PLXNC1: variants seen among roughly 807,000 people sequenced by gnomAD.
PLXNC1 encodes the protein plexin C1, also known as plexin-C1.
PLXNC1 carries 75 observed loss-of-function variants against 178.2 expected under a neutral mutation model. The observed-to-expected ratio is 0.42, with a 90% CI of 0.35 to 0.51. PLXNC1 has a LOEUF of 0.51. Among genes scored for constraint, PLXNC1 ranks in the 20% least tolerant of loss-of-function variants. PLXNC1 has a pLI of 0.02. For missense variants in PLXNC1, 1,503 were observed against 1,984.4 expected (o/e 0.76, Z 4.61); for synonymous variants, 790 against 779.9 (o/e 1.01, Z -0.22).
intron 12 of PLXNC1, among the ~76,000 whole-genome samples, chr12:94,244,721 TA>T (rs1311795846): frequency 3.3e-5 from 5 of 152,136 alleles, no homozygotes; most frequent in Non-Finnish European, 5.9e-5. Context: ...GCTAATGAGC[TA>T]AAAAATGGTT....
At chr12:94,253,163 A>T (rs1164599104) in intron 15 of PLXNC1, among the ~76,000 whole-genome samples, 1 of 133,864 alleles carries the variant, frequency 7.5e-6, no homozygotes, top group Non-Finnish European at 1.6e-5. Flanking sequence ...GTGAGCCGAG[A>T]TCGTGCCACT....
rs1180150457 is a variant in PLXNC1 at position 94,303,997 on chromosome 12, T to G, written c.4548T>G (p.Asn1516Lys). The stretch of plus-strand genomic sequence containing the variant: ...TTTAGAAACATGAAAATGAATTTAA[T>G]GAAGAAGTGGCCTTGACAGAAATTT... The part of the protein sequence containing the change: ...QESKKHENEF[N>K]EEVALTEIYK... The change falls in exon 30 of 31, where the codon AAT becomes AAG. Residue 1516 changes from asparagine (N) to lysine (K), a missense_variant. Transcript: ENST00000258526. 1.2e-6 allele frequency: 2 copies of G among 1,601,076 alleles called. No individual in the cohort carries two copies. Among genetic ancestry groups the G allele is most frequent in the Non-Finnish European group, 1.7e-6 (2 of 1,168,882 alleles).
chr12:94,159,079 G>T (rs967184346), intron 1 of PLXNC1, among the ~76,000 whole-genome samples: 1 of 152,216 alleles, frequency 6.6e-6, no homozygotes, highest in African/African-American at 2.4e-5. Context: ...ACTATCATTT[G>T]TTCGAATACT....
At chr12:94,224,977 C>A (rs1304624798) in intron 7 of PLXNC1, among the ~76,000 whole-genome samples, 2 of 152,266 alleles carry the variant, frequency 1.3e-5, no homozygotes, top group East Asian at 3.9e-4. Context: ...AACGAGAAGC[C>A]TTGAGTGTAG....
chr12:94,277,891 C>T (rs1482484876), intron 21 of PLXNC1: 2 of 455,228 alleles, frequency 4.4e-6, no homozygotes, highest in East Asian at 6.9e-5. Flanking sequence ...TTATTACACC[C>T]ATTTTTAAGT....
In PLXNC1 at chr12:94,304,159, G is replaced by GGGAAGCCA. The variant is rs531268381; in HGVS notation, c.4602+116_4602+123dup. 1.7e-4 allele frequency: 120 copies of GGGAAGCCA among 713,718 alleles called. No homozygotes were observed. In the South Asian group the frequency reaches 2.3e-3, roughly 14 times the overall value. The allele number at this position is 713,718 out of a possible 1,614,324, so 44.2% of individuals were successfully genotyped here. On this transcript the variant is annotated intron_variant, in intron 30 of 30. Coordinates refer to ENST00000258526, the MANE Select transcript of PLXNC1 (RefSeq NM_005761.3). ...CTCTGGCATCCCAAAAGGCCAGAAA[G>GGGAAGCCA]GGAAGCCAGGAAGCCTGTCTGAGAT...
intron 4 of PLXNC1, among the ~76,000 whole-genome samples, chr12:94,202,638 C>T (rs533480320): frequency 5.6e-4 from 85 of 152,354 alleles, no homozygotes; most frequent in African/African-American, 1.9e-3. Context: ...GGCCCAGGCA[C>T]GTTCAGGGCA....
chr12:94,243,883 C>A (rs1275560845), intron 11 of PLXNC1, 55 bp from the exon 12 acceptor site: 1 of 814,058 alleles, frequency 1.2e-6, no homozygotes, highest in African/African-American at 1.7e-5. Context: ...TTCATAAATG[C>A]AAAATGCCTG....
At position 94,279,869 on chromosome 12, in the gene PLXNC1, C is replaced by T. The variant is rs762783166; in HGVS notation, c.3775+220C>T. The T allele has an allele frequency of 3.2e-4, 220 of 684,252 alleles. 1 individual carries two copies. Among genetic ancestry groups the T allele is most frequent in the Admixed American group, 1.0e-4 (5 of 48,910 alleles). The allele number at this position is 684,252 out of a possible 1,614,324, so 42.4% of individuals were successfully genotyped here. A position where few individuals can be genotyped will look rare whatever the true frequency, so the allele number is the denominator to read the frequency against. Reference sequence around the variant, plus strand: ...AGGAAGCACGGTCCTTCAAAGATGGCGTTTGTTGTTGTTGTCTTTAAATAT... The same window carrying T: ...AGGAAGCACGGTCCTTCAAAGATGGTGTTTGTTGTTGTTGTCTTTAAATAT... On this transcript the variant is annotated intron_variant, in intron 22 of 30. Transcript: ENST00000258526.
chr12:94,231,729 C>T (rs1964109253), intron 9 of PLXNC1, among the ~76,000 whole-genome samples: 1 of 152,042 alleles, frequency 6.6e-6, no homozygotes, highest in African/African-American at 2.4e-5. Context: ...AGGAGTATTT[C>T]AAGCTATAAA....
intron 9 of PLXNC1, among the ~76,000 whole-genome samples, chr12:94,235,963 G>C (rs376088506): frequency 2.4e-4 from 37 of 152,106 alleles, no homozygotes; most frequent in Non-Finnish European, 4.0e-4. Context: ...TCTCTTAGCT[G>C]TCACCACGTA....
At chr12:94,218,391 T>C (rs1436257639) in intron 5 of PLXNC1, among the ~76,000 whole-genome samples, 1 of 152,162 alleles carries the variant, frequency 6.6e-6, no homozygotes, top group Non-Finnish European at 1.5e-5. Flanking sequence ...TAGGTGGCAG[T>C]GCCTAAGTCT....
chr12:94,156,170 T>C (rs1961159866), intron 1 of PLXNC1, among the ~76,000 whole-genome samples: 1 of 152,234 alleles, frequency 6.6e-6, no homozygotes, highest in African/African-American at 2.4e-5. Flanking sequence ...GAATGAATAC[T>C]ACTAACTACT....
chr12:94,288,831 G>A (rs7302972), intron 23 of PLXNC1, among the ~76,000 whole-genome samples: 34,486 of 152,204 alleles, frequency 0.23, 4,265 homozygotes, highest in Admixed American at 0.28. Context: ...CTGTTTTCAC[G>A]TAATATTGTT....
intron 1 of PLXNC1, 83 bp downstream of exon 1, chr12:94,150,116 G>C: frequency 6.0e-6 from 7 of 1,168,824 alleles, no homozygotes; most frequent in Non-Finnish European, 8.1e-6. Flanking sequence ...AGCTGGGGGC[G>C]AGCGGCGGGG....
intron 2 of PLXNC1, among the ~76,000 whole-genome samples, chr12:94,177,227 ATACATATATATATATATATATATATG>A (rs1198968883): frequency 2.2e-4 from 6 of 27,288 alleles, no homozygotes; most frequent in African/African-American, 1.2e-3. Context: ...GTGTATATAT[ATACATATATATATATATATATATATG>A]TATATATATA....
chr12:94,265,083 C>G lies in PLXNC1; in HGVS notation c.3455C>G (p.Thr1152Ser), dbSNP rs754014460. ...CACTTTTGTGTCTTTTCCAAGGAGA[C>G]TGTCGGAGAGCCCTTCTATTTGCTG... ...SVCLSGFLRE[T>S]VGEPFYLLVT... Residue 1152 changes from threonine (T) to serine (S), a missense_variant, in exon 21 of 31, where the codon ACT becomes AGT. By Grantham distance (58) the Thr-to-Ser change is moderately conservative. Transcript: ENST00000258526. 1 of 1,613,948 alleles carries G rather than the reference C, an allele frequency of 6.2e-7. No individual in the cohort carries two copies. The highest frequency in any genetic ancestry group is 1.3e-5 in the African/African-American group (1 of 74,916).
chr12:94,286,080 T>C (rs1198213702), intron 23 of PLXNC1, among the ~76,000 whole-genome samples: 3 of 152,246 alleles, frequency 2.0e-5, no homozygotes, highest in Non-Finnish European at 2.9e-5. Flanking sequence ...CAGTCTTCAC[T>C]GCAGACATCG....
intron 13 of PLXNC1, 44 bp downstream of exon 13, chr12:94,248,150 T>G: frequency 6.3e-7 from 1 of 1,599,606 alleles, no homozygotes. Context: ...CCCGACCCCT[T>G]GACTGGAAAG....
Sources: allele counts gnomAD v4.1 joint callset (sites outside exome capture counted in the v4.1 genomes callset), GRCh38; gene constraint gnomAD v4.1.1; transcripts MANE v1.5; gene names NCBI Gene and HGNC (gene_info 2026-07-23, HGNC 2026-07-21).